ARL15: variants seen among roughly 807,000 people sequenced by gnomAD.
ARL15 encodes the protein ARF like GTPase 15, also known as ADP-ribosylation factor-like protein 15.
A neutral mutation model predicts 25.2 loss-of-function variants in ARL15; 19 were observed. The ratio of observed to expected loss-of-function variants is 0.75; its 90% CI spans 0.53 to 1.10. ARL15 has a LOEUF of 1.10. Among genes scored for constraint, ARL15 ranks in the 50% least tolerant of loss-of-function variants. ARL15 has a pLI of 0.00. For synonymous variants in ARL15, 94 were observed against 86.8 expected (o/e 1.08, Z -0.46); for missense variants, 220 against 246.0 (o/e 0.89, Z 0.71).
intron 3 of ARL15, among the ~76,000 whole-genome samples, chr5:54,148,447 T>G (rs1011705975): frequency 3.3e-5 from 5 of 152,216 alleles, no homozygotes; most frequent in African/African-American, 1.2e-4. Context: ...CACTATTGCA[T>G]GGGCCGAAGC....
At chr5:53,983,300 T>C (rs1026662358) in intron 4 of ARL15, among the ~76,000 whole-genome samples, 1 of 152,142 alleles carries the variant, frequency 6.6e-6, no homozygotes, top group South Asian at 2.1e-4. Flanking sequence ...TAAAAATAAA[T>C]TTTCTTTAAA....
At chr5:54,115,940 AC>A (rs1425318538) in intron 3 of ARL15, among the ~76,000 whole-genome samples, 5 of 152,266 alleles carry the variant, frequency 3.3e-5, no homozygotes, top group South Asian at 2.1e-4. Flanking sequence ...TTTCTTGTAC[AC>A]CCGATTTAGA....
chr5:53,962,207 G>A (rs1332047980), intron 4 of ARL15, among the ~76,000 whole-genome samples: 1 of 152,056 alleles, frequency 6.6e-6, no homozygotes, highest in Non-Finnish European at 1.5e-5. Flanking sequence ...AACAGTTGGA[G>A]ACCATAATAT....
intron 2 of ARL15, among the ~76,000 whole-genome samples, chr5:54,163,060 T>G (rs529855051): frequency 1.3e-5 from 2 of 152,254 alleles, no homozygotes; most frequent in South Asian, 4.1e-4. Context: ...CTTTAACAGT[T>G]GAGGTAATTC....
At chr5:53,981,930 G>A (rs937285113) in intron 4 of ARL15, among the ~76,000 whole-genome samples, 1 of 151,224 alleles carries the variant, frequency 6.6e-6, no homozygotes. Flanking sequence ...AAGAAATAAT[G>A]GAAGATTTTC....
At chr5:54,242,287 T>C (rs554644073) in intron 1 of ARL15, among the ~76,000 whole-genome samples, 2 of 152,254 alleles carry the variant, frequency 1.3e-5, no homozygotes, top group Admixed American at 6.5e-5. Context: ...AGGGAATATA[T>C]AGGGAAGTAT....
chr5:54,082,784 G>A (rs10060723), intron 4 of ARL15, among the ~76,000 whole-genome samples: 710 of 150,748 alleles, frequency 4.7e-3, no homozygotes, highest in African/African-American at 0.016. Flanking sequence ...ATTTAGAGGG[G>A]GGAAAATTAG....
chr5:54,117,827 T>C (rs1579816489), intron 3 of ARL15, among the ~76,000 whole-genome samples: 1 of 152,212 alleles, frequency 6.6e-6, no homozygotes, highest in Non-Finnish European at 1.5e-5. Flanking sequence ...AAACAAATGA[T>C]AGTATTTGTT....
At chr5:53,956,120 TC>T (rs1747146560) in intron 4 of ARL15, among the ~76,000 whole-genome samples, 1 of 151,816 alleles carries the variant, frequency 6.6e-6, no homozygotes, top group Non-Finnish European at 1.5e-5. Flanking sequence ...GAGATTTTCT[TC>T]CCCCCACCCC....
At chr5:53,904,583 G>A (rs967824153) in intron 4 of ARL15, among the ~76,000 whole-genome samples, 10 of 152,062 alleles carry the variant, frequency 6.6e-5, no homozygotes, top group African/African-American at 2.4e-4. Flanking sequence ...AGAAACAGAA[G>A]CTGAAAAATC....
chr5:54,012,849 C>A (rs1350251774), intron 4 of ARL15, among the ~76,000 whole-genome samples: 4 of 135,930 alleles, frequency 2.9e-5, no homozygotes, highest in Non-Finnish European at 6.2e-5. Context: ...GATGGAGTCT[C>A]GCTCTGTCGC....
chr5:54,304,318 A>G (rs908494895), intron 1 of ARL15, among the ~76,000 whole-genome samples: 5 of 152,356 alleles, frequency 3.3e-5, no homozygotes, highest in Middle Eastern at 3.4e-3. Flanking sequence ...GTTTAATGCT[A>G]TTACACATGC....
At chr5:54,139,411 A>T (rs1753706278) in intron 3 of ARL15, among the ~76,000 whole-genome samples, 2 of 152,198 alleles carry the variant, frequency 1.3e-5, no homozygotes, top group African/African-American at 4.8e-5. Flanking sequence ...AGTAACTCAG[A>T]AAAGACAAAC....
intron 1 of ARL15, among the ~76,000 whole-genome samples, chr5:54,280,589 C>A (rs565955176): frequency 9.7e-4 from 147 of 152,290 alleles, no homozygotes; most frequent in African/African-American, 3.4e-3. Context: ...AGATAGACTC[C>A]CTGCCCTCAA....
chr5:54,196,389 C>A (rs527290427), intron 1 of ARL15, among the ~76,000 whole-genome samples: 1 of 152,082 alleles, frequency 6.6e-6, no homozygotes, highest in African/African-American at 2.4e-5. Flanking sequence ...ACTTACTCAG[C>A]CACATTTGCC....
At chr5:53,962,640 A>G (rs941141952) in intron 4 of ARL15, among the ~76,000 whole-genome samples, 1 of 152,134 alleles carries the variant, frequency 6.6e-6, no homozygotes, top group Non-Finnish European at 1.5e-5. Flanking sequence ...TGTATACTCT[A>G]TTTTCCTCAA....
At chr5:54,064,471 C>T (rs1751158489) in intron 4 of ARL15, among the ~76,000 whole-genome samples, 1 of 152,152 alleles carries the variant, frequency 6.6e-6, no homozygotes, top group South Asian at 2.1e-4. Context: ...CCACATATAA[C>T]AATGGAACAA....
intron 4 of ARL15, among the ~76,000 whole-genome samples, chr5:53,972,833 A>G (rs1487376444): frequency 2.0e-5 from 3 of 152,210 alleles, no homozygotes; most frequent in African/African-American, 7.2e-5. Context: ...CAAGGAGTAT[A>G]TAGGAATAAA....
chr5:54,187,217 G>C (rs551405849), intron 1 of ARL15, among the ~76,000 whole-genome samples: 1 of 152,210 alleles, frequency 6.6e-6, no homozygotes, highest in African/African-American at 2.4e-5. Flanking sequence ...CTCCAACCCC[G>C]GGCATTGTGC....
Sources: gnomAD v4.1 joint callset for allele counts (sites outside exome capture counted in the v4.1 genomes callset) on GRCh38, gnomAD v4.1.1 for gene constraint, MANE v1.5 for transcripts, NCBI Gene and HGNC (gene_info 2026-07-23, HGNC 2026-07-21) for gene names.